The following COL5A1 variants were observed in gnomAD, a reference collection of about 807,000 sequenced individuals.
COL5A1 encodes the protein collagen alpha-1(V) chain.
In COL5A1, 16 loss-of-function variants were observed where a neutral mutation model predicts 263.7. The observed-to-expected ratio is 0.06, with a 90% confidence interval of 0.04 to 0.09. The LOEUF (loss-of-function observed/expected upper bound fraction) is 0.09, where lower values mean the gene tolerates loss of function less well. Ranked by LOEUF, COL5A1 falls within the 10% of genes least tolerant of loss-of-function variation. COL5A1 has a pLI of 1.00. For synonymous variants in COL5A1, 1,012 were observed against 1,004.5 expected (o/e 1.01, Z -0.14); for missense variants, 2,036 against 2,540.5 (o/e 0.80, Z 4.27).
intron 1 of COL5A1, among the ~76,000 whole-genome samples, chr9:134,651,077 C>G (rs1831665645): frequency 6.6e-6 from 1 of 152,238 alleles, no homozygotes; most frequent in Non-Finnish European, 1.5e-5. Context: ...TGGCGCCAGC[C>G]TCCATGGCAG....
At chr9:134,771,714 G>A (rs1476190319) in intron 25 of COL5A1, among the ~76,000 whole-genome samples, 4 of 152,146 alleles carry the variant, frequency 2.6e-5, no homozygotes, top group African/African-American at 7.2e-5. Context: ...CCACCCTCTC[G>A]TGTTATACCT....
chr9:134,652,827 C>T lies in COL5A1; in HGVS notation c.109+10531C>T, dbSNP rs1831741897. 4.6e-6 allele frequency: 2 copies of T among 436,098 alleles called. No homozygotes were observed. Among genetic ancestry groups the T allele is most frequent in the Non-Finnish European group, 9.7e-6 (2 of 206,142 alleles). The allele number at this position is 436,098 out of a possible 1,614,324, so 27.0% of individuals were successfully genotyped here. On this transcript the variant is annotated intron_variant, in intron 1 of 65. Transcript: ENST00000371817. The surrounding 1 kb of genome is among the most constrained non-coding windows in gnomAD (Gnocchi z 4.4). ...CCCAAACTTTACCAGGCCCCAGAAT[C>T]CCCCCGAGGCCTCTCTTAAGGCACA...
At chr9:134,778,885 C>T (rs996249183) in intron 27 of COL5A1, among the ~76,000 whole-genome samples, 3 of 152,256 alleles carry the variant, frequency 2.0e-5, no homozygotes, top group Non-Finnish European at 4.4e-5. Context: ...TTGCAGCTGG[C>T]ACTGGAGTGG....
intron 50 of COL5A1, 52 bp downstream of exon 50, chr9:134,814,956 C>A: frequency 7.8e-7 from 1 of 1,288,964 alleles, no homozygotes; most frequent in Non-Finnish European, 1.1e-6. Context: ...CGGGGCTCTG[C>A]ACTGGGATCA....
intron 11 of COL5A1, among the ~76,000 whole-genome samples, chr9:134,740,641 G>C (rs1345503178): frequency 6.6e-6 from 1 of 152,196 alleles, no homozygotes; most frequent in South Asian, 2.1e-4. Flanking sequence ...GCAGGGCTGG[G>C]CACTGCTCTA....
intron 14 of COL5A1, among the ~76,000 whole-genome samples, chr9:134,753,606 C>T (rs1374087402): frequency 6.6e-6 from 1 of 152,188 alleles, no homozygotes; most frequent in African/African-American, 2.4e-5. Context: ...TGTTTGCGAG[C>T]CCCAACAACT....
At chr9:134,694,177 C>A (rs1833380809) in intron 2 of COL5A1, among the ~76,000 whole-genome samples, 1 of 152,258 alleles carries the variant, frequency 6.6e-6, no homozygotes, top group South Asian at 2.1e-4. Flanking sequence ...TCCCCAGACT[C>A]CCCGAAGAGC....
At position 134,710,590 on chromosome 9, in the gene COL5A1, G is replaced by A. The variant is rs564025050; in HGVS notation, c.654+9257G>A. Among the ~76,000 whole-genome samples the A allele has an allele frequency of 7.8e-4, 99 of 127,244 alleles. 1 individual carries two copies. Among genetic ancestry groups the A allele is most frequent in the Admixed American group, 1.5e-3 (20 of 12,914 alleles). 83.5% of individuals were successfully genotyped at this position (127,244 alleles called of 152,430 possible). A position where few individuals can be genotyped will look rare whatever the true frequency, so the allele number is the denominator to read the frequency against. On this transcript the variant is annotated intron_variant, in intron 4 of 65. Coordinates refer to ENST00000371817, the MANE Select transcript of COL5A1 (RefSeq NM_000093.5). ...CCCCATTTGTTGGGTGCAGTGGTGG[G>A]GGGGCCCATTTGTTGGGTGCAGTGG...
chr9:134,659,405 A>C (rs913163847), intron 1 of COL5A1, among the ~76,000 whole-genome samples: 13 of 152,160 alleles, frequency 8.5e-5, no homozygotes, highest in African/African-American at 3.1e-4. Flanking sequence ...TAATAATCAT[A>C]ATCATAAAAA....
chr9:134,772,136 G>A (rs1023941352), intron 25 of COL5A1, among the ~76,000 whole-genome samples: 1 of 152,188 alleles, frequency 6.6e-6, no homozygotes, highest in African/African-American at 2.4e-5. Context: ...GTGGAGACCC[G>A]AGGGTGTGGG....
intron 4 of COL5A1, chr9:134,708,419 C>CGGT (rs1554782803): frequency 5.6e-6 from 2 of 357,050 alleles, no homozygotes; most frequent in Admixed American, 3.2e-5. Context: ...GAGCAACTCC[C>CGGT]GGGGTGGGGG....
intron 1 of COL5A1, among the ~76,000 whole-genome samples, chr9:134,687,664 G>C (rs1833127258): frequency 6.6e-6 from 1 of 152,218 alleles, no homozygotes; most frequent in Non-Finnish European, 1.5e-5. Context: ...CTAAAGAGTA[G>C]GCACCGGGCT....
chr9:134,748,421 A>C (rs1007151139), intron 11 of COL5A1, among the ~76,000 whole-genome samples: 3 of 152,220 alleles, frequency 2.0e-5, no homozygotes, highest in Non-Finnish European at 4.4e-5. Context: ...ATACATGCAC[A>C]CACACTTACA....
At chr9:134,792,770 TGC>T (rs1837742701) in intron 32 of COL5A1, among the ~76,000 whole-genome samples, 2 of 42,012 alleles carry the variant, frequency 4.8e-5, no homozygotes, top group African/African-American at 2.0e-4. Flanking sequence ...TGTGTGTGTG[TGC>T]GTGTGTGTAC....
chr9:134,842,587 G>T lies in COL5A1; in HGVS notation c.*284G>T, dbSNP rs1021495841. 1.8e-6 allele frequency: 1 copy of T among 549,456 alleles called. No homozygotes were observed. The highest frequency in any genetic ancestry group is 3.3e-6 in the Non-Finnish European group (1 of 305,494). 34.0% of individuals were successfully genotyped at this position (549,456 alleles called of 1,614,324 possible). On this transcript the variant is annotated 3_prime_UTR_variant, in exon 66 of 66. Coordinates refer to ENST00000371817, the MANE Select transcript of COL5A1 (RefSeq NM_000093.5). The surrounding 1 kb of genome is among the most constrained non-coding windows in gnomAD (Gnocchi z 5.8). ...CACACCCACGCGCCCCGGGAGCGGG[G>T]CCATGCCTCCAGCCCCCCAGCTCGC...
rs530881241 is a variant in COL5A1 at position 134,785,069 on chromosome 9, C to T, written c.2565C>T (p.Pro855=). 42 of 1,613,256 alleles carry T rather than the reference C, an allele frequency of 2.6e-5. No individual in the cohort carries two copies. Among genetic ancestry groups the T allele is most frequent in the South Asian group, 6.6e-5 (6 of 91,078 alleles). The part of the protein sequence containing the change: ...PKGRGGPNGD[P]GPLGPPGEKG... ...GTCGCGGAGGTCCCAATGGTGACCCCGGTCCTCTGGGACCCCCTGGGGAGA... is the reference window on the plus strand; with the variant it reads ...GTCGCGGAGGTCCCAATGGTGACCCTGGTCCTCTGGGACCCCCTGGGGAGA... The change falls in exon 30 of 66, where the codon CCC becomes CCT. Residue 855 remains proline, a synonymous_variant. Transcript: ENST00000371817.
intron 19 of COL5A1, among the ~76,000 whole-genome samples, chr9:134,762,331 G>A (rs763328355): frequency 2.0e-5 from 3 of 152,224 alleles, no homozygotes; most frequent in Non-Finnish European, 4.4e-5. Flanking sequence ...TGCTTATCTC[G>A]TCCAGATGAG....
chr9:134,798,547 T>A, intron 37 of COL5A1, 86 bp downstream of exon 37: 1 of 1,327,718 alleles, frequency 7.5e-7, no homozygotes, highest in Non-Finnish European at 1.1e-6. Flanking sequence ...CCCAGCGCCA[T>A]CTAGGACCCT....
At chr9:134,646,657 G>A (rs529818708) in intron 1 of COL5A1, among the ~76,000 whole-genome samples, 13 of 152,192 alleles carry the variant, frequency 8.5e-5, no homozygotes, top group African/African-American at 2.9e-4. Flanking sequence ...TCCCTTTGAC[G>A]AGCCCTGCTG....
Sources: gnomAD v4.1 joint callset for allele counts (sites outside exome capture counted in the v4.1 genomes callset) on GRCh38, gnomAD v4.1.1 for gene constraint, Gnocchi (gnomAD v3.1) non-coding constraint, MANE v1.5 for transcripts, NCBI Gene and HGNC (gene_info 2026-07-23, HGNC 2026-07-21) for gene names.